The following SLC25A48 variants were observed in gnomAD, a reference collection of about 807,000 sequenced individuals.
The protein encoded by SLC25A48 is CTC-321K16.1.
Under a neutral mutation model 32.2 loss-of-function variants are expected in SLC25A48, and 29 were observed. That is an observed-to-expected ratio of 0.90 (90% CI 0.67 to 1.23). The LOEUF (loss-of-function observed/expected upper bound fraction) is 1.23, where lower values mean the gene tolerates loss of function less well. SLC25A48 is among the 50% of genes most tolerant of loss of function. SLC25A48 has a pLI of 0.00. For synonymous variants in SLC25A48, 164 were observed against 172.3 expected, an observed-to-expected ratio of 0.95 and a Z score of 0.38; for missense variants, 399 against 422.7, an observed-to-expected ratio of 0.94 and a Z score of 0.49.
intron 3 of SLC25A48, among the ~76,000 whole-genome samples, chr5:135,796,770 T>C (rs1757191730): frequency 6.6e-6 from 1 of 151,774 alleles, no homozygotes; most frequent in Non-Finnish European, 1.5e-5. Context: ...ACTTGTGATA[T>C]TGTTCCTAAT....
At chr5:135,624,303 G>A (rs1326025757) in intron 1 of SLC25A48, among the ~76,000 whole-genome samples, 1 of 152,208 alleles carries the variant, frequency 6.6e-6, no homozygotes, top group Admixed American at 6.5e-5. Flanking sequence ...CTACCCACAA[G>A]TGGGACATGC....
intron 1 of SLC25A48, among the ~76,000 whole-genome samples, chr5:135,587,952 A>C (rs1751409815): frequency 6.6e-6 from 1 of 152,226 alleles, no homozygotes; most frequent in African/African-American, 2.4e-5. Context: ...GAGAGAGGGC[A>C]GGAGGGAAAG....
chr5:135,887,761 G>T (rs1561568562), intron 7 of SLC25A48, among the ~76,000 whole-genome samples: 1 of 150,794 alleles, frequency 6.6e-6, no homozygotes, highest in South Asian at 2.1e-4. Flanking sequence ...CCAGTTTCAC[G>T]CAGGCCATCA....
chr5:135,871,919 T>A (rs556967042), intron 5 of SLC25A48: 1 of 1,466,294 alleles, frequency 6.8e-7, no homozygotes, highest in South Asian at 1.6e-5. Flanking sequence ...GCTATGAGAA[T>A]GGCAGTTCCC....
At chr5:135,689,300 C>A (rs1754090341) in intron 3 of SLC25A48, among the ~76,000 whole-genome samples, 1 of 152,148 alleles carries the variant, frequency 6.6e-6, no homozygotes, top group African/African-American at 2.4e-5. Context: ...TAACTGTAAT[C>A]CCTGAGAACT....
At position 135,729,613 on chromosome 5, in the gene SLC25A48, A is replaced by G. The variant is rs544917662; in HGVS notation, c.-520-82910A>G. ...GAGACAGTTGCTTAAAATGAGAAAT[A>G]TCAGTTTTAAATGATCATTAATGAT... On this transcript the variant is annotated intron_variant, in intron 3 of 10. Coordinates refer to the SLC25A48 transcript ENST00000646290. Among the ~76,000 whole-genome samples the G allele has an allele frequency of 3.9e-5, 6 of 152,186 alleles. No homozygotes were observed. In the South Asian group the frequency reaches 1.2e-3, roughly 32 times the overall value.
chr5:135,647,887 C>T (rs1347558425), intron 3 of SLC25A48, among the ~76,000 whole-genome samples: 1 of 152,112 alleles, frequency 6.6e-6, no homozygotes, highest in African/African-American at 2.4e-5. Flanking sequence ...GAAATTCCAC[C>T]ACTGCGCTTT....
rs148711432 is a variant in SLC25A48 at position 135,702,188 on chromosome 5, C to A, written c.-521+67232C>A. On this transcript the variant is annotated intron_variant, in intron 3 of 10. Coordinates refer to the SLC25A48 transcript ENST00000646290. ...TCTAGTGGGTTCCATAATATCCTCC[C>A]AAAAGATATGTCCACGTCCTAATGC... Among the ~76,000 whole-genome samples, 370 of 152,316 alleles carry A rather than the reference C, an allele frequency of 2.4e-3. 2 individuals are homozygous for A. The highest frequency in any genetic ancestry group is 8.5e-3 in the African/African-American group (355 of 41,576).
chr5:135,887,055 A>G (rs1256952507), intron 7 of SLC25A48, among the ~76,000 whole-genome samples: 3 of 152,148 alleles, frequency 2.0e-5, no homozygotes, highest in Admixed American at 2.0e-4. Context: ...TCGAAGAACA[A>G]CTGCTTATAT....
intron 1 of SLC25A48, among the ~76,000 whole-genome samples, chr5:135,625,278 A>G (rs1420633722): frequency 6.6e-6 from 1 of 152,166 alleles, no homozygotes; most frequent in Non-Finnish European, 1.5e-5. Context: ...CAGAGGCTGC[A>G]CAGCACCAGA....
At chr5:135,720,749 G>T (rs754489165) in intron 3 of SLC25A48, among the ~76,000 whole-genome samples, 1 of 152,184 alleles carries the variant, frequency 6.6e-6, no homozygotes. Flanking sequence ...CATAAGCCAG[G>T]CCTGGAAACC....
intron 3 of SLC25A48, among the ~76,000 whole-genome samples, chr5:135,772,155 C>T (rs1171426511): frequency 5.3e-5 from 8 of 151,352 alleles, no homozygotes; most frequent in South Asian, 4.1e-4. Flanking sequence ...GGTGTGTAAA[C>T]TCGCTTGTGA....
intron 3 of SLC25A48, among the ~76,000 whole-genome samples, chr5:135,763,262 G>A (rs572645766): frequency 6.6e-6 from 1 of 152,256 alleles, no homozygotes; most frequent in South Asian, 2.1e-4. Flanking sequence ...AGCTGTGCTT[G>A]GAGAAATGCT....
At chr5:135,839,146 A>G (rs1396201690) in intron 1 of SLC25A48, among the ~76,000 whole-genome samples, 1 of 152,184 alleles carries the variant, frequency 6.6e-6, no homozygotes, top group African/African-American at 2.4e-5. Context: ...GACCTCTCAG[A>G]GCACTTTCCT....
intron 3 of SLC25A48, among the ~76,000 whole-genome samples, chr5:135,794,834 G>T (rs1431835654): frequency 6.6e-6 from 1 of 151,658 alleles, no homozygotes; most frequent in Non-Finnish European, 1.5e-5. Context: ...CTAATATTCG[G>T]GGGGGAAGTA....
chr5:135,650,318 T>A (rs183811556), intron 3 of SLC25A48: 1 of 430,490 alleles, frequency 2.3e-6, no homozygotes, highest in African/African-American at 2.0e-5. Context: ...CCTTGACTGG[T>A]ACACTCCAAG....
chr5:135,741,818 C>T (rs1338603750), intron 3 of SLC25A48, among the ~76,000 whole-genome samples: 1 of 152,176 alleles, frequency 6.6e-6, no homozygotes, highest in East Asian at 1.9e-4. Flanking sequence ...CTGGATTTGG[C>T]CCACTGGCTA....
chr5:135,679,839 G>T (rs926605214), intron 3 of SLC25A48, among the ~76,000 whole-genome samples: 17 of 152,172 alleles, frequency 1.1e-4, no homozygotes, highest in Non-Finnish European at 2.1e-4. Context: ...AGCTGCTTAG[G>T]TGTTGGGAGT....
intron 3 of SLC25A48, among the ~76,000 whole-genome samples, chr5:135,697,876 A>G (rs933796657): frequency 4.6e-5 from 7 of 152,172 alleles, no homozygotes; most frequent in Non-Finnish European, 1.0e-4. Context: ...TTTGTTCCCA[A>G]GATCACAACC....
Sources: allele counts gnomAD v4.1 joint callset (sites outside exome capture counted in the v4.1 genomes callset), GRCh38; gene constraint gnomAD v4.1.1; transcripts MANE v1.5; gene names NCBI Gene and HGNC (gene_info 2026-07-23, HGNC 2026-07-21).